The following C2orf68 variants were observed in gnomAD, a reference collection of about 807,000 sequenced individuals.
C2orf68 encodes chromosome 2 open reading frame 68, also known as UPF0561 protein C2orf68.
C2orf68 carries 15 observed loss-of-function variants against 19.1 expected under a neutral mutation model. The ratio of observed to expected loss-of-function variants is 0.79; its 90% confidence interval spans 0.53 to 1.21. C2orf68 has a LOEUF of 1.21. C2orf68 is among the 50% of genes most tolerant of loss of function. The pLI is 0.00. For synonymous variants in C2orf68, 98 were observed against 91.0 expected, an observed-to-expected ratio of 1.08 and a Z score of -0.44; for missense variants, 242 against 226.6, an observed-to-expected ratio of 1.07 and a Z score of -0.44.
In C2orf68 at chr2:85,609,024, G is replaced by A. The variant is rs769485684; in HGVS notation, c.422C>T (p.Thr141Met). 31 of 1,614,214 alleles carry A rather than the reference G, an allele frequency of 1.9e-5. No individual in the cohort carries two copies. In the Admixed American group the frequency reaches 2.7e-4, roughly 14 times the overall value. Reference protein sequence around the residue: ...GKVSEKVSAHTPLDPPMREAL... With the variant: ...GKVSEKVSAHMPLDPPMREAL... The stretch of plus-strand genomic sequence containing the variant: ...TTCTCGCATGGGTGGATCCAGAGGC[G>A]TGTGTGCCGACACCTTCTCACTCAC... The change falls in exon 4 of 4, where the codon ACG becomes ATG. Residue 141 changes from threonine to methionine, a missense_variant. Coordinates refer to ENST00000306336, the MANE Select transcript of C2orf68 (RefSeq NM_001013649.4).
chr2:85,606,679 C>G lies in C2orf68; in HGVS notation c.*2266G>C, dbSNP rs1381856950. 1 of 152,152 alleles carries G rather than the reference C, an allele frequency of 6.6e-6. No individual in the cohort carries two copies. The highest frequency in any genetic ancestry group is 1.9e-4 in the East Asian group (1 of 5,200). The allele number at this position is 152,152 out of a possible 1,614,324, so 9.4% of individuals were successfully genotyped here. A position where few individuals can be genotyped will look rare whatever the true frequency, so the allele number is the denominator to read the frequency against. On this transcript the variant is annotated 3_prime_UTR_variant, in exon 4 of 4. Transcript: ENST00000306336. The stretch of plus-strand genomic sequence containing the variant: ...TTCCTCAAGAAAAAAAGTTTAATAG[C>G]AAGGAGTTTCCATCAGTCCCGGTCT...
intron 1 of C2orf68, 33 bp from the exon 2 acceptor site, chr2:85,611,819 CG>C: frequency 2.5e-6 from 4 of 1,607,656 alleles, no homozygotes; most frequent in Non-Finnish European, 2.5e-6. Context: ...CAGGGACTGT[CG>C]GGCCGGGCCA....
At chr2:85,611,388 G>A (rs1436100380) in intron 2 of C2orf68, 1 of 1,466,660 alleles carries the variant, frequency 6.8e-7, no homozygotes, top group South Asian at 1.4e-5. Context: ...AGGTAGCGGA[G>A]CACCTTACTA....
In C2orf68 at chr2:85,608,093, G is replaced by A. The variant is rs1047051094; in HGVS notation, c.*852C>T. On this transcript the variant is annotated 3_prime_UTR_variant, in exon 4 of 4. Transcript: ENST00000306336. ...CTTGTTTATAATTCCCTTTTAGTCT[G>A]AGCAGAGGACAGTCTGTTCACGGCT... The A allele has an allele frequency of 3.9e-5, 6 of 152,182 alleles. No individual in the cohort carries two copies. Among genetic ancestry groups the A allele is most frequent in the Admixed American group, 2.6e-4 (4 of 15,272 alleles). The allele number at this position is 152,182 out of a possible 1,614,324, so 9.4% of individuals were successfully genotyped here. A position where few individuals can be genotyped will look rare whatever the true frequency, so the allele number is the denominator to read the frequency against.
Position 85,611,774 on chromosome 2 carries a change from G to A in C2orf68, c.120C>T (p.Asp40=). 2 of 1,612,084 alleles carry A rather than the reference G, an allele frequency of 1.2e-6. No homozygotes were observed. The change falls in exon 2 of 4, where the codon GAC becomes GAT. Residue 40 remains aspartate, a synonymous_variant. Transcript: ENST00000306336. ...RRNQIARDDY[D]KKVKQAAKEK... ...CCTTGGCCGCCTGCTTCACCTTCTT[G>A]TCATAGTCGTCCCTGCGGGGAGCCG...
chr2:85,608,846 G>A lies in C2orf68; in HGVS notation c.*99C>T. 1 of 1,527,274 alleles carries A rather than the reference G, an allele frequency of 6.5e-7. No homozygotes were observed. Among genetic ancestry groups the A allele is most frequent in the Admixed American group, 1.8e-5 (1 of 56,444 alleles). 94.6% of individuals were successfully genotyped at this position (1,527,274 alleles called of 1,614,324 possible). A position where few individuals can be genotyped will look rare whatever the true frequency, so the allele number is the denominator to read the frequency against. ...GATGCAGCAGCTCTGGGGGTCTCAA[G>A]ATCAGACAAACTGGTCCTGGTACCC... On this transcript the variant is annotated 3_prime_UTR_variant, in exon 4 of 4. Transcript: ENST00000306336.
chr2:85,608,850 A>T lies in C2orf68; in HGVS notation c.*95T>A. On this transcript the variant is annotated 3_prime_UTR_variant, in exon 4 of 4. Transcript: ENST00000306336. ...CAGCAGCTCTGGGGGTCTCAAGATCAGACAAACTGGTCCTGGTACCCCCAC... is the reference window on the plus strand; with the variant it reads ...CAGCAGCTCTGGGGGTCTCAAGATCTGACAAACTGGTCCTGGTACCCCCAC... The T allele has an allele frequency of 6.5e-7, 1 of 1,545,862 alleles. No individual in the cohort carries two copies. The highest frequency in any genetic ancestry group is 8.8e-7 in the Non-Finnish European group (1 of 1,136,680).
chr2:85,610,695 G>C (rs1447986497), intron 2 of C2orf68: 1 of 151,430 alleles, frequency 6.6e-6, no homozygotes, highest in Non-Finnish European at 1.5e-5. Context: ...GATGCGGGCA[G>C]ATCACCTGAG....
chr2:85,610,515 A>C (rs1673439953), intron 2 of C2orf68: 1 of 152,204 alleles, frequency 6.6e-6, no homozygotes, highest in East Asian at 1.9e-4. Context: ...ATCTTGGGCA[A>C]GTTGTTTAAC....
Position 85,611,917 on chromosome 2 carries a change from T to A in C2orf68, c.68A>T (p.His23Leu), listed in dbSNP as rs1470895636. 1.0e-5 allele frequency: 16 copies of A among 1,590,916 alleles called. No individual in the cohort carries two copies. Among genetic ancestry groups the A allele is most frequent in the Non-Finnish European group, 1.3e-5 (15 of 1,175,012 alleles). ...CCGTCGGATATGGTGCACGAAGCCG[T>A]GGTTCATGTCCAGCCGCCCCCCAGG... ...CKPGGRLDMNHGFVHHIRRNQ... is the reference protein window; with the variant it reads ...CKPGGRLDMNLGFVHHIRRNQ... Residue 23 changes from histidine (H) to leucine (L), a missense_variant, in exon 1 of 4, where the codon CAC becomes CTC. Physicochemically the swap from His to Leu is moderately conservative, Grantham distance 99 (BLOSUM62 -3). Coordinates refer to ENST00000306336, the MANE Select transcript of C2orf68 (RefSeq NM_001013649.4).
chr2:85,611,329 C>T (rs1673509106), intron 2 of C2orf68: 2 of 1,427,890 alleles, frequency 1.4e-6, no homozygotes, highest in Non-Finnish European at 1.8e-6. Flanking sequence ...GGGTTCATTC[C>T]GCAATTATGT....
At chr2:85,611,469 T>C (rs548147548) in intron 2 of C2orf68, 199 bp downstream of exon 2, 8 of 1,547,806 alleles carry the variant, frequency 5.2e-6, no homozygotes, top group East Asian at 2.4e-5. Flanking sequence ...ACAGCGATGC[T>C]TAACTGGGGG....
Position 85,608,308 on chromosome 2 carries a change from GGA to G in C2orf68, c.*635_*636del, listed in dbSNP as rs1434150505. 3.3e-5 allele frequency: 5 copies of G among 152,184 alleles called. No individual in the cohort carries two copies. Among genetic ancestry groups the G allele is most frequent in the African/African-American group, 1.2e-4 (5 of 41,422 alleles). The allele number at this position is 152,184 out of a possible 1,614,324, so 9.4% of individuals were successfully genotyped here. A position where few individuals can be genotyped will look rare whatever the true frequency, so the allele number is the denominator to read the frequency against. On this transcript the variant is annotated 3_prime_UTR_variant, in exon 4 of 4. Coordinates refer to ENST00000306336, the MANE Select transcript of C2orf68 (RefSeq NM_001013649.4). Reference sequence around the variant, plus strand: ...ATGCTTGCAAATAGGCCTCAAAAATGGAGGTCTCCCACTTTATTGGTATCAGA... The same window carrying G: ...ATGCTTGCAAATAGGCCTCAAAAATGGGTCTCCCACTTTATTGGTATCAGA...
intron 1 of C2orf68, 27 bp from the exon 2 acceptor site, chr2:85,611,813 G>A (rs754991564): frequency 1.2e-6 from 2 of 1,608,966 alleles, no homozygotes; most frequent in Non-Finnish European, 1.7e-6. Context: ...GGGAGTCAGG[G>A]ACTGTCGGGC....
chr2:85,611,601 A>G, intron 2 of C2orf68, 67 bp downstream of exon 2: 1 of 1,554,430 alleles, frequency 6.4e-7, no homozygotes, highest in South Asian at 1.2e-5. Flanking sequence ...GTTTTTCCCT[A>G]TAGAGAAGGG....
At position 85,608,701 on chromosome 2, in the gene C2orf68, CAAAAAAAAAAAA is replaced by C. The variant is rs5832651; in HGVS notation, c.*232_*243del. 23 of 55,444 alleles carry C rather than the reference CAAAAAAAAAAAA, an allele frequency of 4.1e-4. 1 individual carries two copies. Among genetic ancestry groups the C allele is most frequent in the Admixed American group, 1.4e-3 (4 of 2,876 alleles). The allele number at this position is 55,444 out of a possible 1,614,324, so 3.4% of individuals were successfully genotyped here. A position where few individuals can be genotyped will look rare whatever the true frequency, so the allele number is the denominator to read the frequency against. Reference sequence around the variant, plus strand: ...GAACACATTAGCCACACAAAATCCTCAAAAAAAAAAAAAAAAAAAAAAAAAAAAGAATTCCAG... The same window carrying C: ...GAACACATTAGCCACACAAAATCCTCAAAAAAAAAAAAAAAAGAATTCCAG... On this transcript the variant is annotated 3_prime_UTR_variant, in exon 4 of 4. Coordinates refer to ENST00000306336, the MANE Select transcript of C2orf68 (RefSeq NM_001013649.4).
Position 85,607,392 on chromosome 2 carries a change from G to C in C2orf68, c.*1553C>G, listed in dbSNP as rs1188485645. 1 of 152,170 alleles carries C rather than the reference G, an allele frequency of 6.6e-6. No homozygotes were observed. Among genetic ancestry groups the C allele is most frequent in the Non-Finnish European group, 1.5e-5 (1 of 68,034 alleles). The allele number at this position is 152,170 out of a possible 1,614,324, so 9.4% of individuals were successfully genotyped here. On this transcript the variant is annotated 3_prime_UTR_variant, in exon 4 of 4. Coordinates refer to ENST00000306336, the MANE Select transcript of C2orf68 (RefSeq NM_001013649.4). ...CTTCTAGCCCAGCTGCCTAAGTAGA[G>C]GACAAAGACTTTCTCCTTTCAAAGG...
Position 85,608,826 on chromosome 2 carries a change from AGCAGC to A in C2orf68, c.*114_*118del. On this transcript the variant is annotated 3_prime_UTR_variant, in exon 4 of 4. Coordinates refer to ENST00000306336, the MANE Select transcript of C2orf68 (RefSeq NM_001013649.4). The stretch of plus-strand genomic sequence containing the variant: ...TAGTCCTGCAACACCCTATGGATGC[AGCAGC>A]TCTGGGGGTCTCAAGATCAGACAAA... The A allele has an allele frequency of 7.2e-7, 1 of 1,388,366 alleles. No individual in the cohort carries two copies. The allele number at this position is 1,388,366 out of a possible 1,614,324, so 86.0% of individuals were successfully genotyped here. A position where few individuals can be genotyped will look rare whatever the true frequency, so the allele number is the denominator to read the frequency against.
In C2orf68 at chr2:85,606,608, CTT is replaced by C. The variant is rs1396627746; in HGVS notation, c.*2335_*2336del. ...TGCATAAATTAGCTTAGAATGCTCT[CTT>C]GGGTAAAAAATATTAATAGTGTATA... On this transcript the variant is annotated 3_prime_UTR_variant, in exon 4 of 4. Coordinates refer to ENST00000306336, the MANE Select transcript of C2orf68 (RefSeq NM_001013649.4). 2.0e-5 allele frequency: 3 copies of C among 152,120 alleles called. No homozygotes were observed. The highest frequency in any genetic ancestry group is 7.2e-5 in the African/African-American group (3 of 41,418). 9.4% of individuals were successfully genotyped at this position (152,120 alleles called of 1,614,324 possible).
Sources: allele counts gnomAD v4.1 joint callset, GRCh38; gene constraint gnomAD v4.1.1; transcripts MANE v1.5; gene names NCBI Gene and HGNC (gene_info 2026-07-23, HGNC 2026-07-21).